MTUS2: variants seen among roughly 807,000 people sequenced by gnomAD.
The protein encoded by MTUS2 is microtubule associated scaffold protein 2.
In MTUS2, 40 loss-of-function variants were observed where a neutral mutation model predicts 114.1. That is an observed-to-expected ratio of 0.35 (90% CI 0.27 to 0.46). The LOEUF is 0.46. MTUS2 is among the 20% of genes least tolerant of loss of function. The pLI, the probability that MTUS2 is intolerant of heterozygous loss-of-function variation, is 1.00. For missense variants in MTUS2, 1,679 were observed against 1,705.4 expected (o/e 0.98, Z 0.27); for synonymous variants, 688 against 672.0 (o/e 1.02, Z -0.37).
At chr13:28,931,283 TAAAAC>T (rs761517577) in intron 2 of MTUS2, among the ~76,000 whole-genome samples, 1 of 152,144 alleles carries the variant, frequency 6.6e-6, no homozygotes, top group Non-Finnish European at 1.5e-5. Context: ...ATAATACAAA[TAAAAC>T]AAAATACAGA....
chr13:29,006,194 T>C (rs577371314), intron 2 of MTUS2, among the ~76,000 whole-genome samples: 1 of 152,248 alleles, frequency 6.6e-6, no homozygotes, highest in South Asian at 2.1e-4. Flanking sequence ...GAGGTACCAG[T>C]GGAGGATCTT....
At chr13:29,062,869 G>A (rs1161275134) in intron 4 of MTUS2, among the ~76,000 whole-genome samples, 1 of 152,172 alleles carries the variant, frequency 6.6e-6, no homozygotes, top group Non-Finnish European at 1.5e-5. Flanking sequence ...ATCTTGATGT[G>A]ACTGTATCTT....
At chr13:29,005,412 C>G (rs1885562050) in intron 2 of MTUS2, among the ~76,000 whole-genome samples, 1 of 152,084 alleles carries the variant, frequency 6.6e-6, no homozygotes, top group Non-Finnish European at 1.5e-5. Context: ...ATGAACTTGG[C>G]AAAGTTCTGT....
intron 2 of MTUS2, among the ~76,000 whole-genome samples, chr13:29,009,652 T>A (rs1885752001): frequency 6.6e-6 from 1 of 152,224 alleles, no homozygotes; most frequent in Admixed American, 6.5e-5. Context: ...TCATGGTTTC[T>A]CTGTGTATAT....
intron 5 of MTUS2, among the ~76,000 whole-genome samples, chr13:29,129,372 T>A (rs1891656687): frequency 1.3e-5 from 2 of 152,154 alleles, no homozygotes; most frequent in Admixed American, 1.3e-4. Flanking sequence ...TTTGGGCTCA[T>A]GATGGCAACC....
At chr13:29,058,001 C>G (rs1428570413) in intron 4 of MTUS2, among the ~76,000 whole-genome samples, 1 of 151,950 alleles carries the variant, frequency 6.6e-6, no homozygotes, top group African/African-American at 2.4e-5. Context: ...ATTCCCTTTG[C>G]ATTTGCTTGC....
intron 2 of MTUS2, among the ~76,000 whole-genome samples, chr13:28,894,466 A>T (rs927319957): frequency 6.6e-6 from 1 of 152,018 alleles, no homozygotes; most frequent in Non-Finnish European, 1.5e-5. Context: ...AACAAAATCT[A>T]CTGGCACCTT....
intron 5 of MTUS2, among the ~76,000 whole-genome samples, chr13:29,255,051 C>G (rs1488705799): frequency 6.6e-6 from 1 of 152,138 alleles, no homozygotes. Flanking sequence ...TCTGAATATC[C>G]CCTAGCTTAT....
intron 2 of MTUS2, among the ~76,000 whole-genome samples, chr13:28,846,912 T>C (rs1165070777): frequency 6.6e-6 from 1 of 152,250 alleles, no homozygotes; most frequent in African/African-American, 2.4e-5. Flanking sequence ...TGTATGCTTC[T>C]TCAGTGGTGT....
At chr13:29,245,221 A>G (rs1449645319) in intron 5 of MTUS2, among the ~76,000 whole-genome samples, 2 of 152,150 alleles carry the variant, frequency 1.3e-5, no homozygotes, top group Non-Finnish European at 2.9e-5. Flanking sequence ...GGAGAATTTT[A>G]CCAGAAGGTG....
At chr13:29,127,918 G>T (rs981699938) in intron 5 of MTUS2, among the ~76,000 whole-genome samples, 1 of 152,200 alleles carries the variant, frequency 6.6e-6, no homozygotes, top group African/African-American at 2.4e-5. Flanking sequence ...CACATACCTC[G>T]CAAAGTGCTA....
intron 14 of MTUS2, 131 bp from the exon 15 acceptor site, chr13:29,500,966 C>T (rs946660144): frequency 3.1e-6 from 2 of 648,382 alleles, no homozygotes; most frequent in African/African-American, 1.8e-5. Flanking sequence ...TTAAAACCCA[C>T]TAAAGCATTG....
chr13:29,430,565 C>T (rs76907234), intron 8 of MTUS2, among the ~76,000 whole-genome samples: 2,030 of 152,246 alleles, frequency 0.013, 50 homozygotes, highest in African/African-American at 0.045. Context: ...TATGTTCACA[C>T]CTACATTTCT....
chr13:29,011,677 T>C (rs1885849574), intron 2 of MTUS2, among the ~76,000 whole-genome samples: 1 of 152,222 alleles, frequency 6.6e-6, no homozygotes, highest in East Asian at 1.9e-4. Context: ...CTTCCTTTAA[T>C]ATATTCCAAG....
intron 8 of MTUS2, among the ~76,000 whole-genome samples, chr13:29,389,626 T>C (rs1367383831): frequency 2.0e-4 from 9 of 44,234 alleles, no homozygotes; most frequent in Middle Eastern, 0.012. Flanking sequence ...TGTGTATATA[T>C]GTATACACAT....
intron 8 of MTUS2, 76 bp downstream of exon 8, chr13:29,359,549 T>C: frequency 1.4e-6 from 2 of 1,479,338 alleles, no homozygotes; most frequent in East Asian, 2.5e-5. Context: ...GTTGTTTGTG[T>C]ATGTTGCTGT....
intron 8 of MTUS2, among the ~76,000 whole-genome samples, chr13:29,391,757 G>T (rs539499635): frequency 5.3e-5 from 8 of 151,782 alleles, no homozygotes; most frequent in African/African-American, 1.7e-4. Flanking sequence ...TAAAAGCTAC[G>T]ATTTTAATCA....
chr13:29,247,031 T>C (rs1408800229), intron 5 of MTUS2, among the ~76,000 whole-genome samples: 2 of 152,182 alleles, frequency 1.3e-5, no homozygotes, highest in Admixed American at 1.3e-4. Context: ...AAGGATATAT[T>C]CACCAAAACA....
At chr13:28,941,282 T>C (rs1305968640) in intron 2 of MTUS2, among the ~76,000 whole-genome samples, 1 of 152,138 alleles carries the variant, frequency 6.6e-6, no homozygotes, top group African/African-American at 2.4e-5. Flanking sequence ...CTATATTTAC[T>C]GTATTTACAT....
Sources: gnomAD v4.1 joint callset for allele counts (sites outside exome capture counted in the v4.1 genomes callset) on GRCh38, gnomAD v4.1.1 for gene constraint, MANE v1.5 for transcripts, NCBI Gene and HGNC (gene_info 2026-07-23, HGNC 2026-07-21) for gene names.